The following SLC9A3 variants were observed in gnomAD, a reference collection of about 807,000 sequenced individuals.
SLC9A3 encodes the protein sodium/hydrogen exchanger 3.
A neutral mutation model predicts 86.8 loss-of-function variants in SLC9A3; 37 were observed. That is an observed-to-expected ratio of 0.43 (90% CI 0.33 to 0.56). The LOEUF is 0.56. Among genes scored for constraint, SLC9A3 ranks in the 20% least tolerant of loss-of-function variants. SLC9A3 has a pLI of 0.06. For synonymous variants in SLC9A3, 581 were observed against 528.3 expected (o/e 1.10, Z -1.37); for missense variants, 1,011 against 1,171.9 (o/e 0.86, Z 2.00).
At chr5:507,035 C>A (rs1219315211) in intron 1 of SLC9A3, among the ~76,000 whole-genome samples, 2 of 149,474 alleles carry the variant, frequency 1.3e-5, no homozygotes, top group Non-Finnish European at 3.0e-5. Flanking sequence ...CGAGATTGGG[C>A]CACTGCACTC....
chr5:520,112 A>G (rs1252294501), intron 1 of SLC9A3, among the ~76,000 whole-genome samples: 1 of 150,434 alleles, frequency 6.6e-6, no homozygotes, highest in Admixed American at 6.6e-5. Flanking sequence ...GCCGCTGCTC[A>G]GGTCCTAACC....
At chr5:520,153 G>A (rs956813608) in intron 1 of SLC9A3, among the ~76,000 whole-genome samples, 3 of 152,060 alleles carry the variant, frequency 2.0e-5, no homozygotes, top group East Asian at 1.9e-4. Flanking sequence ...AGCCAGCGCT[G>A]CCCAGCTCTG....
In SLC9A3 at chr5:494,375, C is replaced by T. The variant is rs374917931; in HGVS notation, c.212-2304G>A. Among the ~76,000 whole-genome samples, 9 of 152,238 alleles carry T rather than the reference C, an allele frequency of 5.9e-5. 1 individual carries two copies. Among genetic ancestry groups the T allele is most frequent in the Middle Eastern group, 3.4e-3 (1 of 294 alleles). On this transcript the variant is annotated intron_variant, in intron 1 of 16. Transcript: ENST00000264938. ...TTGGGAAGAGACATGGGTGGCCTTC[C>T]GGGCCTGCGAGGGGAAGGCTGTGGC...
chr5:476,142 C>T (rs1249971829), intron 13 of SLC9A3, 50 bp from the exon 14 acceptor site: 3 of 1,611,900 alleles, frequency 1.9e-6, no homozygotes, highest in Non-Finnish European at 1.7e-6. Flanking sequence ...CCACACCCAG[C>T]CCTGACTGCC....
At position 471,793 on chromosome 5, in the gene SLC9A3, T is replaced by C. The variant is rs1473275194; in HGVS notation, c.*1586A>G. 2 of 456,432 alleles carry C rather than the reference T, an allele frequency of 4.4e-6. No homozygotes were observed. Among genetic ancestry groups the C allele is most frequent in the Admixed American group, 4.7e-5 (2 of 42,566 alleles). The allele number at this position is 456,432 out of a possible 1,614,324, so 28.3% of individuals were successfully genotyped here. ...GTCGAGAGCTTCTCCGAAGCAGCGG[T>C]CATGCAGGCTTTTGTGTGGCTGACG... On this transcript the variant is annotated 3_prime_UTR_variant, in exon 17 of 17. Coordinates refer to ENST00000264938, the MANE Select transcript of SLC9A3 (RefSeq NM_004174.4).
At chr5:492,372 GT>G (rs1560961632) in intron 1 of SLC9A3, among the ~76,000 whole-genome samples, 1 of 45,950 alleles carries the variant, frequency 2.2e-5, no homozygotes, top group African/African-American at 9.6e-5. Context: ...GGGGAGGGAG[GT>G]AGGGGGGAAC....
Position 491,967 on chromosome 5 carries a change from C to A in SLC9A3, c.316G>T (p.Ala106Ser). The change falls in exon 2 of 17, where the codon GCG becomes TCG. Residue 106 changes from alanine to serine, a missense_variant. By Grantham distance (99) the Ala-to-Ser change is moderately conservative (BLOSUM62 1). Around this residue, in one of 3 missense-constraint regions of SLC9A3, gnomAD observed 565 missense variants for 790.0 expected, o/e 0.72. Coordinates refer to ENST00000264938, the MANE Select transcript of SLC9A3 (RefSeq NM_004174.4). This position sits in a 1 kb window ranked among gnomAD's most constrained non-coding sequence, Gnocchi z 9.2. ...GGIVWAADHI[A>S]SFTLTPTVFF... ...ACGGTGGGCGTCAGTGTGAAGGACG[C>A]GATGTGGTCGGCCGCCCAGACGATG... The A allele has an allele frequency of 6.2e-7, 1 of 1,607,290 alleles. No individual in the cohort carries two copies. Among genetic ancestry groups the A allele is most frequent in the African/African-American group, 1.3e-5 (1 of 74,224 alleles).
intron 4 of SLC9A3, 31 bp from the exon 5 acceptor site, chr5:484,728 C>G (rs777362358): frequency 1.2e-6 from 2 of 1,607,856 alleles, no homozygotes; most frequent in South Asian, 2.2e-5. Context: ...GTGGCCGTGC[C>G]GGCCTTCCGG....
intron 1 of SLC9A3, among the ~76,000 whole-genome samples, chr5:501,149 C>T (rs886395017): frequency 2.0e-5 from 3 of 152,130 alleles, no homozygotes; most frequent in Non-Finnish European, 4.4e-5. Flanking sequence ...GAGGAAGGGC[C>T]GGCGCTGGCA....
In SLC9A3 at chr5:491,300, C is replaced by T. The variant is rs1030305553; in HGVS notation, c.514+469G>A. On this transcript the variant is annotated intron_variant, in intron 2 of 16. Coordinates refer to ENST00000264938, the MANE Select transcript of SLC9A3 (RefSeq NM_004174.4). The surrounding 1 kb of genome is among the most constrained non-coding windows in gnomAD (Gnocchi z 9.2). Reference sequence around the variant, plus strand: ...TGGGTCCGGGGCGGGAGGCAGTGCCCGAGAGATGAAGCATCCAAGACCAAA... The same window carrying T: ...TGGGTCCGGGGCGGGAGGCAGTGCCTGAGAGATGAAGCATCCAAGACCAAA... Among the ~76,000 whole-genome samples, 4 of 152,100 alleles carry T rather than the reference C, an allele frequency of 2.6e-5. No homozygotes were observed. Among genetic ancestry groups the T allele is most frequent in the East Asian group, 1.9e-4 (1 of 5,172 alleles).
intron 7 of SLC9A3, 119 bp from the exon 8 acceptor site, chr5:482,276 C>A: frequency 1.3e-6 from 1 of 792,186 alleles, no homozygotes; most frequent in Non-Finnish European, 2.1e-6. Flanking sequence ...CCCTGCTCTC[C>A]GGGCACCCAG....
chr5:489,128 G>A (rs78065911), intron 2 of SLC9A3, among the ~76,000 whole-genome samples: 4,323 of 152,286 alleles, frequency 0.028, 190 homozygotes, highest in African/African-American at 0.091. Context: ...TTCAGGCCTC[G>A]AGGAGGCCAC....
chr5:473,172 C>CCCGGCGCAGGCCCCGCCT lies in SLC9A3; in HGVS notation c.*206_*207insAGGCGGGGCCTGCGCCGG. 2.2e-6 allele frequency: 1 copy of CCCGGCGCAGGCCCCGCCT among 463,602 alleles called. No homozygotes were observed. Among genetic ancestry groups the CCCGGCGCAGGCCCCGCCT allele is most frequent in the Non-Finnish European group, 3.3e-6 (1 of 300,688 alleles). The allele number at this position is 463,602 out of a possible 1,614,324, so 28.7% of individuals were successfully genotyped here. On this transcript the variant is annotated 3_prime_UTR_variant, in exon 17 of 17. Transcript: ENST00000264938. The stretch of plus-strand genomic sequence containing the variant: ...CCCCGCCCCCGGCGCAGGCCCCGCC[C>CCCGGCGCAGGCCCCGCCT]CCGGCTCGCCCTCGGGCGGCTCTGC...
chr5:484,767 A>G (rs1295866185), intron 4 of SLC9A3, 70 bp from the exon 5 acceptor site: 11 of 1,507,408 alleles, frequency 7.3e-6, no homozygotes, highest in South Asian at 2.3e-5. Flanking sequence ...CCGCCTGGTG[A>G]CCCCGCGGAA....
intron 1 of SLC9A3, among the ~76,000 whole-genome samples, chr5:495,919 C>T (rs1199804174): frequency 5.5e-4 from 70 of 128,268 alleles, no homozygotes; most frequent in Non-Finnish European, 1.1e-3. Flanking sequence ...GCGCCATCGC[C>T]GACCCTCCCC....
At position 473,353 on chromosome 5, in the gene SLC9A3, C is replaced by G; in HGVS notation, c.*26G>C. ...GGACCGTGGCGCGGGGACGAGCGGC[C>G]GGTTAGCGGCGTGTCGGAGCCGGTG... On this transcript the variant is annotated 3_prime_UTR_variant, in exon 17 of 17. Transcript: ENST00000264938. The G allele has an allele frequency of 7.1e-7, 1 of 1,414,572 alleles. No homozygotes were observed. Among genetic ancestry groups the G allele is most frequent in the East Asian group, 3.1e-5 (1 of 32,416 alleles). The allele number at this position is 1,414,572 out of a possible 1,614,324, so 87.6% of individuals were successfully genotyped here.
At chr5:494,632 G>T (rs979228588) in intron 1 of SLC9A3, among the ~76,000 whole-genome samples, 1 of 152,204 alleles carries the variant, frequency 6.6e-6, no homozygotes, top group East Asian at 1.9e-4. Context: ...CCTGAGGGCT[G>T]TAAATCCCCG....
At chr5:511,704 G>A (rs1440307070) in intron 1 of SLC9A3, among the ~76,000 whole-genome samples, 2 of 152,262 alleles carry the variant, frequency 1.3e-5, no homozygotes, top group African/African-American at 2.4e-5. Context: ...ACAGGGTGGC[G>A]CGGCCACTTG....
chr5:501,921 C>T (rs1740296340), intron 1 of SLC9A3, among the ~76,000 whole-genome samples: 1 of 152,238 alleles, frequency 6.6e-6, no homozygotes, highest in African/African-American at 2.4e-5. Context: ...GGGGGCCACG[C>T]AGGAAGCCCC....
Sources: allele counts gnomAD v4.1 joint callset (sites outside exome capture counted in the v4.1 genomes callset), GRCh38; gene constraint gnomAD v4.1.1; regional missense constraint gnomAD v4.1.1; non-coding constraint Gnocchi (gnomAD v3.1); transcripts MANE v1.5; gene names NCBI Gene and HGNC (gene_info 2026-07-23, HGNC 2026-07-21).